Variants in CCSER1 observed in about 807,000 individuals in gnomAD.
The protein encoded by CCSER1 is coiled-coil serine rich protein 1.
CCSER1 carries 41 observed loss-of-function variants against 82.0 expected under a neutral mutation model. That is an observed-to-expected ratio of 0.50 (90% CI 0.39 to 0.65). CCSER1 has a LOEUF of 0.65. Among genes scored for constraint, CCSER1 ranks in the 30% least tolerant of loss-of-function variants. CCSER1 has a pLI of 0.00. For missense variants in CCSER1, 1,119 were observed against 1,064.2 expected (o/e 1.05, Z -0.72); for synonymous variants, 414 against 383.9 (o/e 1.08, Z -0.92).
rs572028372 is a variant in CCSER1, at chr4:90,841,822, T to C, written c.2094+25977T>C. On this transcript the variant is annotated intron_variant, in intron 8 of 10. Coordinates refer to ENST00000509176, the MANE Select transcript of CCSER1 (RefSeq NM_001145065.2). The stretch of plus-strand genomic sequence containing the variant: ...TTGGTACTCTGGAAGTGTGTCTGAC[T>C]CTCATTCATTATTTCTAACAATAAG... Among the ~76,000 whole-genome samples the C allele has an allele frequency of 2.6e-5, 4 of 152,252 alleles. No individual in the cohort carries two copies. In the South Asian group the frequency reaches 8.3e-4, roughly 32 times the overall value.
At chr4:90,784,998 G>T (rs1226364794) in intron 7 of CCSER1, among the ~76,000 whole-genome samples, 2 of 152,112 alleles carry the variant, frequency 1.3e-5, no homozygotes, top group Non-Finnish European at 2.9e-5. Context: ...GGTTGGCCTT[G>T]CTTTCTCAGG....
intron 10 of CCSER1, among the ~76,000 whole-genome samples, chr4:91,271,462 T>A (rs558825142): frequency 6.6e-6 from 1 of 152,290 alleles, no homozygotes; most frequent in African/African-American, 2.4e-5. Context: ...TGTGTCATTC[T>A]TATGCCTTTG....
At chr4:91,167,241 C>G (rs1340232962) in intron 10 of CCSER1, among the ~76,000 whole-genome samples, 3 of 134,484 alleles carry the variant, frequency 2.2e-5, no homozygotes, top group Non-Finnish European at 4.6e-5. Context: ...GACTAGAGTG[C>G]ATTGGCGCGA....
At chr4:91,483,429 ATACTTTTT>A (rs1452467290) in intron 10 of CCSER1, among the ~76,000 whole-genome samples, 4 of 151,688 alleles carry the variant, frequency 2.6e-5, no homozygotes, top group Admixed American at 6.6e-5. Context: ...CCCTGTTATT[ATACTTTTT>A]TACTTTTTTT....
intron 10 of CCSER1, among the ~76,000 whole-genome samples, chr4:91,417,984 TCAA>T (rs1376572744): frequency 6.6e-6 from 1 of 151,914 alleles, no homozygotes; most frequent in Admixed American, 6.6e-5. Context: ...AAATTAAAAA[TCAA>T]CAACAGGAAG....
chr4:91,015,852 G>A (rs1194634733), intron 9 of CCSER1, among the ~76,000 whole-genome samples: 2 of 151,846 alleles, frequency 1.3e-5, no homozygotes, highest in African/African-American at 2.4e-5. Context: ...TCCAGCTATT[G>A]AAATATTTTG....
In CCSER1 at chr4:91,136,459, C is replaced by T. The variant is rs114458483; in HGVS notation, c.2217+50465C>T. On this transcript the variant is annotated intron_variant, in intron 10 of 10. Transcript: ENST00000509176. The stretch of plus-strand genomic sequence containing the variant: ...CTGTGAGCATCTGTAAATTCTTTTA[C>T]CCAGAATTCTACTCTAATCTTTTCC... Among the ~76,000 whole-genome samples the T allele has an allele frequency of 9.7e-3, 1,480 of 152,192 alleles. 11 individuals carry two copies. Among genetic ancestry groups the T allele is most frequent in the African/African-American group, 0.022 (930 of 41,528 alleles).
intron 7 of CCSER1, among the ~76,000 whole-genome samples, chr4:90,813,785 A>G (rs1457972534): frequency 6.6e-6 from 1 of 152,178 alleles, no homozygotes; most frequent in African/African-American, 2.4e-5. Context: ...CAGCATGAAA[A>G]TGGACTAATA....
intron 10 of CCSER1, among the ~76,000 whole-genome samples, chr4:91,462,158 G>A (rs1756542336): frequency 6.6e-6 from 1 of 152,092 alleles, no homozygotes; most frequent in Non-Finnish European, 1.5e-5. Context: ...GAATTCTGAA[G>A]TAACAAAAAT....
At chr4:91,518,688 A>C (rs908943772) in intron 10 of CCSER1, among the ~76,000 whole-genome samples, 12 of 152,144 alleles carry the variant, frequency 7.9e-5, no homozygotes, top group African/African-American at 2.9e-4. Context: ...CTGTAAGTTC[A>C]GGTGAAGACC....
At chr4:90,890,950 A>G (rs1722872156) in intron 8 of CCSER1, among the ~76,000 whole-genome samples, 1 of 152,266 alleles carries the variant, frequency 6.6e-6, no homozygotes. Flanking sequence ...AAAACAAGTC[A>G]ATGTAAATAT....
At chr4:91,473,816 T>A (rs960818253) in intron 10 of CCSER1, among the ~76,000 whole-genome samples, 14 of 152,046 alleles carry the variant, frequency 9.2e-5, no homozygotes, top group Non-Finnish European at 1.5e-5. Context: ...CATATGTGGA[T>A]CTTATGCTGA....
intron 4 of CCSER1, among the ~76,000 whole-genome samples, chr4:90,405,111 A>G (rs1426137875): frequency 6.6e-6 from 1 of 152,124 alleles, no homozygotes; most frequent in East Asian, 1.9e-4. Context: ...GAAATAAAAA[A>G]CATGATACAG....
chr4:90,660,100 A>C (rs1730478086), intron 6 of CCSER1, among the ~76,000 whole-genome samples: 1 of 152,022 alleles, frequency 6.6e-6, no homozygotes, highest in African/African-American at 2.4e-5. Context: ...AGTTAGTACA[A>C]TCTCTATAGG....
chr4:90,305,016 A>C (rs1219674245), intron 1 of CCSER1, among the ~76,000 whole-genome samples: 1 of 151,622 alleles, frequency 6.6e-6, no homozygotes, highest in African/African-American at 2.4e-5. Flanking sequence ...TCCTGGGTTC[A>C]TGCCATTCTC....
chr4:90,449,326 G>C (rs1463086340), intron 4 of CCSER1, among the ~76,000 whole-genome samples: 2 of 152,204 alleles, frequency 1.3e-5, no homozygotes, highest in Admixed American at 6.5e-5. Flanking sequence ...ATGGGTTCAT[G>C]GGTGGCCATG....
At chr4:90,489,726 G>T (rs1319474150) in intron 5 of CCSER1, among the ~76,000 whole-genome samples, 1 of 152,012 alleles carries the variant, frequency 6.6e-6, no homozygotes, top group Non-Finnish European at 1.5e-5. Flanking sequence ...CTGTGTCCAG[G>T]TGTTCTCATT....
chr4:90,488,049 C>A (rs957779012), intron 5 of CCSER1, among the ~76,000 whole-genome samples: 2 of 152,154 alleles, frequency 1.3e-5, no homozygotes, highest in Admixed American at 6.5e-5. Flanking sequence ...GTTCATAACC[C>A]AGAAGAAATG....
chr4:91,383,394 A>G (rs1181652641), intron 10 of CCSER1, among the ~76,000 whole-genome samples: 3 of 152,132 alleles, frequency 2.0e-5, no homozygotes, highest in Non-Finnish European at 2.9e-5. Flanking sequence ...GAGTTAACAA[A>G]TTAAAACAAT....
Sources: allele counts gnomAD v4.1 joint callset (sites outside exome capture counted in the v4.1 genomes callset), GRCh38; gene constraint gnomAD v4.1.1; transcripts MANE v1.5; gene names NCBI Gene and HGNC (gene_info 2026-07-23, HGNC 2026-07-21).